KCNU1: variants seen among roughly 807,000 people sequenced by gnomAD.
KCNU1 encodes potassium calcium-activated channel subfamily U member 1.
A neutral mutation model predicts 126.8 loss-of-function variants in KCNU1; 93 were observed. That is an observed-to-expected ratio of 0.73 (90% CI 0.62 to 0.87). KCNU1 has a LOEUF of 0.87. Among genes scored for constraint, KCNU1 ranks in the 40% least tolerant of loss-of-function variants. The pLI, the probability that KCNU1 is intolerant of heterozygous loss-of-function variation, is 0.00. For missense variants in KCNU1, 1,330 were observed against 1,367.1 expected, an observed-to-expected ratio of 0.97 and a Z score of 0.43; for synonymous variants, 523 against 494.2, an observed-to-expected ratio of 1.06 and a Z score of -0.77.
chr8:36,896,892 A>G (rs1807212792), intron 19 of KCNU1, among the ~76,000 whole-genome samples: 1 of 152,092 alleles, frequency 6.6e-6, no homozygotes, highest in African/African-American at 2.4e-5. Context: ...ATAGTTTCAT[A>G]CAGATGCCAA....
chr8:36,904,833 C>T (rs1035343682), intron 19 of KCNU1, among the ~76,000 whole-genome samples: 1 of 152,094 alleles, frequency 6.6e-6, no homozygotes, highest in Admixed American at 6.6e-5. Flanking sequence ...GGAGGAGAGA[C>T]ACCTTTTCAT....
At chr8:36,791,755 C>T (rs994316428) in intron 2 of KCNU1, among the ~76,000 whole-genome samples, 2 of 151,776 alleles carry the variant, frequency 1.3e-5, no homozygotes, top group Admixed American at 6.6e-5. Context: ...TGCAACCTCT[C>T]GGAAAAAAAA....
At chr8:36,854,573 A>T (rs559705250) in intron 18 of KCNU1, among the ~76,000 whole-genome samples, 114 of 152,018 alleles carry the variant, frequency 7.5e-4, no homozygotes, top group Middle Eastern at 6.8e-3. Context: ...TACTTAAAAA[A>T]ATTTGTAACT....
At chr8:36,877,036 C>T (rs1017418992) in intron 19 of KCNU1, among the ~76,000 whole-genome samples, 1 of 152,136 alleles carries the variant, frequency 6.6e-6, no homozygotes, top group African/African-American at 2.4e-5. Flanking sequence ...AAAATCAACA[C>T]TTTTCCCAAG....
intron 8 of KCNU1, 67 bp from the exon 9 acceptor site, chr8:36,815,529 C>A: frequency 3.9e-6 from 3 of 766,862 alleles, no homozygotes; most frequent in Non-Finnish European, 4.2e-6. Flanking sequence ...CCTTTCTAAT[C>A]TTGAAATTTT....
intron 11 of KCNU1, among the ~76,000 whole-genome samples, chr8:36,834,095 A>G (rs1563284114): frequency 6.6e-6 from 1 of 152,190 alleles, no homozygotes; most frequent in Non-Finnish European, 1.5e-5. Context: ...CATAAAGGAA[A>G]ATAGTAGAAA....
intron 19 of KCNU1, among the ~76,000 whole-genome samples, chr8:36,868,970 C>T (rs991007063): frequency 6.6e-6 from 1 of 152,100 alleles, no homozygotes; most frequent in Non-Finnish European, 1.5e-5. Context: ...GGCCATTCCA[C>T]TTTGGGTGAG....
chr8:36,835,993 G>A (rs1804733786), intron 12 of KCNU1, among the ~76,000 whole-genome samples: 1 of 152,060 alleles, frequency 6.6e-6, no homozygotes, highest in Non-Finnish European at 1.5e-5. Context: ...ATTAGGTTTG[G>A]GTTTGAAAGC....
At chr8:36,802,108 C>CAAAAAAAAAAA (rs749026223) in intron 2 of KCNU1, among the ~76,000 whole-genome samples, 1 of 72,358 alleles carries the variant, frequency 1.4e-5, no homozygotes, top group African/African-American at 5.1e-5. Context: ...AACTCCGTCT[C>CAAAAAAAAAAA]AAAAAAAAAA....
intron 19 of KCNU1, among the ~76,000 whole-genome samples, chr8:36,892,110 G>A (rs998417180): frequency 6.6e-6 from 1 of 151,948 alleles, no homozygotes; most frequent in African/African-American, 2.4e-5. Context: ...ACTTGATGAT[G>A]TCCCACAGTT....
chr8:36,910,043 G>A (rs983546160), intron 21 of KCNU1, among the ~76,000 whole-genome samples: 1 of 152,124 alleles, frequency 6.6e-6, no homozygotes, highest in South Asian at 2.1e-4. Context: ...GTGGTATGGC[G>A]GTTGCAACTA....
intron 2 of KCNU1, among the ~76,000 whole-genome samples, chr8:36,801,651 A>G (rs1264418664): frequency 6.6e-6 from 1 of 152,044 alleles, no homozygotes; most frequent in Non-Finnish European, 1.5e-5. Flanking sequence ...AATTATCAAT[A>G]TGCTGCTATT....
At chr8:36,794,235 C>CT (rs960772586) in intron 2 of KCNU1, among the ~76,000 whole-genome samples, 41 of 147,294 alleles carry the variant, frequency 2.8e-4, no homozygotes, top group East Asian at 2.2e-3. Flanking sequence ...TAGAAAGAAC[C>CT]TTTTTTTTTT....
intron 19 of KCNU1, among the ~76,000 whole-genome samples, chr8:36,895,602 C>A (rs1014287730): frequency 1.3e-5 from 2 of 152,142 alleles, no homozygotes; most frequent in East Asian, 1.9e-4. Flanking sequence ...CTTTGAATCA[C>A]AATTAATGTC....
rs761441321 is a variant in KCNU1 at position 36,808,812 on chromosome 8, T to C, written c.732+19T>C. ...TCACCTGGTAAGCATCTCATCACAA[T>C]CCCTAGTGGTGTCTGTTGTTACCAG... On this transcript the variant is annotated intron_variant, in intron 7 of 26. Transcript: ENST00000399881. 1.1e-5 allele frequency: 17 copies of C among 1,562,978 alleles called. No individual in the cohort carries two copies. The Admixed American group carries it at 2.7e-4, about 25-fold the overall frequency.
intron 20 of KCNU1, among the ~76,000 whole-genome samples, chr8:36,907,940 C>T (rs1001572962): frequency 2.0e-5 from 3 of 152,100 alleles, no homozygotes; most frequent in Admixed American, 6.5e-5. Context: ...AAGAAATAAA[C>T]ATTTTGAATA....
At chr8:36,911,185 C>T (rs1807860780) in intron 22 of KCNU1, 66 bp downstream of exon 22, 2 of 1,286,426 alleles carry the variant, frequency 1.6e-6, no homozygotes, top group African/African-American at 1.5e-5. Flanking sequence ...ATTAACTCCT[C>T]TTTGAAGTAT....
chr8:36,796,202 A>T (rs1461759888), intron 2 of KCNU1, among the ~76,000 whole-genome samples: 1 of 152,078 alleles, frequency 6.6e-6, no homozygotes, highest in Non-Finnish European at 1.5e-5. Flanking sequence ...GGGGTTTTCG[A>T]TTGGGGATAG....
At chr8:36,848,561 G>A (rs1805231344) in intron 18 of KCNU1, among the ~76,000 whole-genome samples, 1 of 152,104 alleles carries the variant, frequency 6.6e-6, no homozygotes, top group Non-Finnish European at 1.5e-5. Context: ...GTGTGTTTGT[G>A]GCACTTCATT....
Sources: allele counts gnomAD v4.1 joint callset (sites outside exome capture counted in the v4.1 genomes callset), GRCh38; gene constraint gnomAD v4.1.1; transcripts MANE v1.5; gene names NCBI Gene and HGNC (gene_info 2026-07-23, HGNC 2026-07-21).